Variants in SYN3 observed in about 807,000 individuals in gnomAD.
SYN3 encodes the protein synapsin-3.
In SYN3, 35 loss-of-function variants were observed where a neutral mutation model predicts 65.8. That is an observed-to-expected ratio of 0.53 (90% CI 0.41 to 0.70). The LOEUF (loss-of-function observed/expected upper bound fraction) is 0.70, where lower values mean the gene tolerates loss of function less well. Ranked by LOEUF, SYN3 falls within the 30% of genes least tolerant of loss-of-function variation. The pLI, the probability that SYN3 is intolerant of heterozygous loss-of-function variation, is 0.00. For synonymous variants in SYN3, 270 were observed against 292.9 expected (o/e 0.92, Z 0.80); for missense variants, 680 against 749.0 (o/e 0.91, Z 1.08).
chr22:32,523,076 CTG>C (rs1175541434), intron 12 of SYN3, among the ~76,000 whole-genome samples: 1 of 152,258 alleles, frequency 6.6e-6, no homozygotes, highest in South Asian at 2.1e-4. Flanking sequence ...CATGTGGTGT[CTG>C]TGCCTCACAT....
In SYN3 at chr22:32,536,516, G is replaced by T. The variant is rs1002623458; in HGVS notation, c.992+1520C>A. ...ACACTCAGTCTTTGTTGCTGTAGGG[G>T]ATGCTCCCACTCCAGTCTCCAGGGG... On this transcript the variant is annotated intron_variant, in intron 9 of 13. Transcript: ENST00000358763. 1.3e-5 allele frequency among the ~76,000 whole-genome samples: 2 copies of T among 152,184 alleles called. 1 individual carries two copies. Among genetic ancestry groups the T allele is most frequent in the Non-Finnish European group, 2.9e-5 (2 of 68,030 alleles).
Position 32,513,775 on chromosome 22 carries a change from G to A in SYN3, c.1660C>T (p.Arg554Cys), listed in dbSNP as rs865899525. Residue 554 changes from arginine to cysteine, a missense_variant, in exon 14 of 14, where the codon CGT becomes TGT. Arg to Cys is a radical substitution (Grantham distance 180, BLOSUM62 -3). Coordinates refer to ENST00000358763, the MANE Select transcript of SYN3 (RefSeq NM_003490.4). ...GCCTCGTCTTCACTTGGGGTCCCAC[G>A]CTGGGAGGTGTCGGATGTGCTGAGG... ...NSLSTSDTSQ[R>C]GTPSEDEAKA... 8.7e-6 allele frequency: 14 copies of A among 1,614,060 alleles called. No homozygotes were observed. Among genetic ancestry groups the A allele is most frequent in the African/African-American group, 2.7e-5 (2 of 74,918 alleles).
At chr22:32,935,508 C>T (rs1025774508) in intron 3 of SYN3, among the ~76,000 whole-genome samples, 19 of 145,848 alleles carry the variant, frequency 1.3e-4, no homozygotes, top group Non-Finnish European at 2.2e-4. Flanking sequence ...TGGAGTGCAA[C>T]GGCGTGATCT....
intron 6 of SYN3, among the ~76,000 whole-genome samples, chr22:32,663,307 CTTTTT>C (rs1555918916): frequency 2.1e-5 from 3 of 142,566 alleles, no homozygotes; most frequent in Admixed American, 7.0e-5. Flanking sequence ...CTTTTCTTCT[CTTTTT>C]TTTTTTTTTT....
intron 3 of SYN3, among the ~76,000 whole-genome samples, chr22:32,949,792 C>T (rs16991605): frequency 0.053 from 8,126 of 152,144 alleles, 711 homozygotes; most frequent in African/African-American, 0.18. Context: ...TAAGCTGAAG[C>T]ATGTTATTAG....
chr22:32,813,356 G>A (rs2046963832), intron 6 of SYN3, among the ~76,000 whole-genome samples: 1 of 152,122 alleles, frequency 6.6e-6, no homozygotes, highest in Non-Finnish European at 1.5e-5. Context: ...GTACAGTCCA[G>A]GTCCCTTCTG....
chr22:32,965,406 C>T (rs2051799462), intron 3 of SYN3, among the ~76,000 whole-genome samples: 1 of 152,066 alleles, frequency 6.6e-6, no homozygotes, highest in South Asian at 2.1e-4. Context: ...ATATATTGAA[C>T]ACAGATTAGG....
chr22:32,742,600 A>T (rs753957003), intron 6 of SYN3, among the ~76,000 whole-genome samples: 4 of 152,178 alleles, frequency 2.6e-5, no homozygotes, highest in Non-Finnish European at 5.9e-5. Context: ...AAGGAAACAG[A>T]GGATCAGAGT....
chr22:33,025,593 C>T (rs1196380142), intron 1 of SYN3, among the ~76,000 whole-genome samples: 2 of 150,492 alleles, frequency 1.3e-5, no homozygotes, highest in Non-Finnish European at 2.9e-5. Context: ...GAGATCGCAC[C>T]ACTGGGTGAC....
At chr22:32,824,724 A>G (rs1157538025) in intron 6 of SYN3, among the ~76,000 whole-genome samples, 1 of 152,118 alleles carries the variant, frequency 6.6e-6, no homozygotes, top group Non-Finnish European at 1.5e-5. Context: ...ATTTGGATCC[A>G]TTTCCTCTGC....
At chr22:32,881,241 G>A (rs1313742718) in intron 4 of SYN3, among the ~76,000 whole-genome samples, 1 of 152,192 alleles carries the variant, frequency 6.6e-6, no homozygotes, top group African/African-American at 2.4e-5. Context: ...AGGAGTGGGG[G>A]AAGGGGAAAG....
At chr22:32,627,432 C>G (rs74646645) in intron 6 of SYN3, among the ~76,000 whole-genome samples, 1 of 152,160 alleles carries the variant, frequency 6.6e-6, no homozygotes, top group South Asian at 2.1e-4. Context: ...CACACCCTGA[C>G]GCACACTCAC....
chr22:32,544,972 G>C (rs902550506), intron 7 of SYN3, among the ~76,000 whole-genome samples: 1 of 152,178 alleles, frequency 6.6e-6, no homozygotes, highest in Non-Finnish European at 1.5e-5. Context: ...TGTCCATCCA[G>C]GGTACACTTT....
chr22:32,582,415 T>A (rs747658034), intron 7 of SYN3, among the ~76,000 whole-genome samples: 2 of 151,328 alleles, frequency 1.3e-5, no homozygotes, highest in Non-Finnish European at 2.9e-5. Flanking sequence ...AGTGGTGTGA[T>A]CACAGCTCAC....
intron 2 of SYN3, among the ~76,000 whole-genome samples, chr22:33,003,817 C>G (rs1045228008): frequency 1.3e-5 from 2 of 152,158 alleles, no homozygotes; most frequent in African/African-American, 4.8e-5. Context: ...TGTCAGAGAC[C>G]TTGGGGGCAG....
rs3959630 is a variant in SYN3 at position 32,780,912 on chromosome 22, G to C, written c.711+84003C>G. 8.4e-3 allele frequency among the ~76,000 whole-genome samples: 1,063 copies of C among 126,806 alleles called. 10 individuals carry two copies. Among genetic ancestry groups the C allele is most frequent in the African/African-American group, 0.016 (542 of 33,802 alleles). The allele number at this position is 126,806 out of a possible 152,430, so 83.2% of individuals were successfully genotyped here. On this transcript the variant is annotated intron_variant, in intron 6 of 13. Transcript: ENST00000358763. ...GCCTGCCTGCCTGCCTGCCTTCCTTGCTTCCTTCCTTCCTTCCTTCCTTTC... is the reference window on the plus strand; with the variant it reads ...GCCTGCCTGCCTGCCTGCCTTCCTTCCTTCCTTCCTTCCTTCCTTCCTTTC...
chr22:32,934,613 T>C (rs1231790082), intron 3 of SYN3, among the ~76,000 whole-genome samples: 2 of 152,222 alleles, frequency 1.3e-5, no homozygotes, highest in African/African-American at 4.8e-5. Flanking sequence ...CAAGATAGCT[T>C]GATAGCCTTT....
intron 1 of SYN3, among the ~76,000 whole-genome samples, chr22:33,035,878 A>T (rs2145916270): frequency 6.6e-6 from 1 of 152,336 alleles, no homozygotes; most frequent in African/African-American, 2.4e-5. Flanking sequence ...CCACAGCACC[A>T]GCCTAAGTCT....
intron 6 of SYN3, among the ~76,000 whole-genome samples, chr22:32,794,408 C>T (rs2046385468): frequency 6.6e-6 from 1 of 152,076 alleles, no homozygotes. Flanking sequence ...AGGATCAGTC[C>T]GTGAGAATGA....
Sources: gnomAD v4.1 joint callset for allele counts (sites outside exome capture counted in the v4.1 genomes callset) on GRCh38, gnomAD v4.1.1 for gene constraint, MANE v1.5 for transcripts, NCBI Gene and HGNC (gene_info 2026-07-23, HGNC 2026-07-21) for gene names.